The following ANK3 variants were observed in gnomAD, a reference collection of about 807,000 sequenced individuals.
ANK3 encodes ankyrin-3.
Under a neutral mutation model 370.9 loss-of-function variants are expected in ANK3, and 57 were observed. The ratio of observed to expected loss-of-function variants is 0.15; its 90% confidence interval spans 0.12 to 0.19. ANK3 has a LOEUF of 0.19. Among genes scored for constraint, ANK3 ranks in the 10% least tolerant of loss-of-function variants. The probability of loss-of-function intolerance (pLI) is 1.00; values close to 1 mark genes in which losing one functional copy is unlikely to be tolerated. For missense variants in ANK3, 4,439 were observed against 5,302.1 expected (o/e 0.84, Z 5.06); for synonymous variants, 1,929 against 1,946.3 (o/e 0.99, Z 0.23).
chr10:60,245,844 G>A (rs2097544279), intron 7 of ANK3, among the ~76,000 whole-genome samples: 1 of 152,176 alleles, frequency 6.6e-6, no homozygotes, highest in South Asian at 2.1e-4. Context: ...AGCCTTCCTA[G>A]TCTGACACTA....
intron 1 of ANK3, among the ~76,000 whole-genome samples, chr10:60,680,325 C>T (rs1215881969): frequency 1.3e-5 from 2 of 152,176 alleles, no homozygotes; most frequent in African/African-American, 4.8e-5. Flanking sequence ...ATGGGTATGC[C>T]TTGAGGCCAG....
intron 1 of ANK3, among the ~76,000 whole-genome samples, chr10:60,302,070 A>T (rs892482284): frequency 6.6e-6 from 1 of 152,164 alleles, no homozygotes; most frequent in Non-Finnish European, 1.5e-5. Flanking sequence ...ACAGTGGGGG[A>T]GGAAAAACAA....
At chr10:60,340,436 A>G (rs1028212415) in intron 1 of ANK3, among the ~76,000 whole-genome samples, 1 of 152,076 alleles carries the variant, frequency 6.6e-6, no homozygotes, top group South Asian at 2.1e-4. Flanking sequence ...TCTGAGGCAG[A>G]GTCTCACTCT....
intron 43 of ANK3, among the ~76,000 whole-genome samples, chr10:60,041,557 G>C (rs1382086605): frequency 1.3e-5 from 2 of 152,140 alleles, no homozygotes; most frequent in Non-Finnish European, 2.9e-5. Context: ...CAAGAGGGTT[G>C]GCTGTGAGGA....
At chr10:60,674,482 G>C (rs1458954117) in intron 1 of ANK3, among the ~76,000 whole-genome samples, 1 of 152,032 alleles carries the variant, frequency 6.6e-6, no homozygotes, top group Admixed American at 6.6e-5. Flanking sequence ...GATCTCACGT[G>C]AACTCAGAGC....
At chr10:60,593,780 A>G (rs1038784294) in intron 2 of ANK3, among the ~76,000 whole-genome samples, 1 of 152,226 alleles carries the variant, frequency 6.6e-6, no homozygotes, top group Non-Finnish European at 1.5e-5. Flanking sequence ...GCCTCACTCA[A>G]GTTTTAATCC....
intron 43 of ANK3, among the ~76,000 whole-genome samples, chr10:60,035,415 A>G (rs897359753): frequency 2.0e-5 from 3 of 151,638 alleles, no homozygotes; most frequent in African/African-American, 7.3e-5. Context: ...TGCCTGGCTA[A>G]TTTTTATCTT....
chr10:60,668,027 C>T (rs530976696), intron 1 of ANK3, among the ~76,000 whole-genome samples: 10 of 151,584 alleles, frequency 6.6e-5, no homozygotes, highest in East Asian at 1.9e-4. Flanking sequence ...CTAGCAAATT[C>T]CCAGGTGACT....
At chr10:60,083,341 T>G (rs1410253688) in intron 33 of ANK3, 151 bp downstream of exon 33, 3 of 742,966 alleles carry the variant, frequency 4.0e-6, no homozygotes. Context: ...CTTGAAAGTA[T>G]ACTCTGGTAG....
chr10:60,541,061 T>C (rs547071247), intron 2 of ANK3, among the ~76,000 whole-genome samples: 28 of 152,052 alleles, frequency 1.8e-4, no homozygotes, highest in African/African-American at 6.5e-4. Context: ...AGTAATCTAG[T>C]AATGCTACAT....
At position 60,690,624 on chromosome 10, in the gene ANK3, T is replaced by C. The variant is rs528308745; in HGVS notation, c.57+42639A>G. Among the ~76,000 whole-genome samples, 32 of 152,308 alleles carry C rather than the reference T, an allele frequency of 2.1e-4. 1 individual carries two copies. In the South Asian group the frequency reaches 6.6e-3, roughly 32 times the overall value. On this transcript the variant is annotated intron_variant, in intron 1 of 43. Coordinates refer to the ANK3 transcript ENST00000373827. ...GTTGTGCTTCTAACTAGCTGGTGCT[T>C]CAGCATTTTTAAAATATGCCTACTG...
chr10:60,158,628 T>G (rs935402555), intron 23 of ANK3, among the ~76,000 whole-genome samples: 1 of 151,442 alleles, frequency 6.6e-6, no homozygotes, highest in Non-Finnish European at 1.5e-5. Flanking sequence ...CTATAATAGA[T>G]ATACAAAATA....
intron 8 of ANK3, among the ~76,000 whole-genome samples, chr10:60,215,829 G>A (rs984206974): frequency 2.6e-5 from 4 of 152,202 alleles, no homozygotes; most frequent in Admixed American, 2.6e-4. Flanking sequence ...TGGCTATATG[G>A]GGTCTTCTTT....
At chr10:60,607,290 G>C (rs898084757) in intron 2 of ANK3, among the ~76,000 whole-genome samples, 2 of 152,046 alleles carry the variant, frequency 1.3e-5, no homozygotes, top group African/African-American at 4.8e-5. Context: ...AGCTCAAAGA[G>C]GTAAAGTGTC....
intron 36 of ANK3, 119 bp downstream of exon 36, chr10:60,080,418 C>G: frequency 1.2e-6 from 1 of 852,286 alleles, no homozygotes; most frequent in Non-Finnish European, 1.9e-6. Flanking sequence ...ACAGGGTTTT[C>G]CTGCAGGCAA....
chr10:60,666,322 C>G lies in ANK3; in HGVS notation c.58-51098G>C, dbSNP rs185002439. On this transcript the variant is annotated intron_variant, in intron 1 of 43. Transcript: ENST00000373827. ...ACAAAAAGACAAATACTGTATGACT[C>G]CACTTATATGAATTATCTAGAGTTG... Among the ~76,000 whole-genome samples, 691 of 152,208 alleles carry G rather than the reference C, an allele frequency of 4.5e-3. 2 individuals carry two copies. The highest frequency in any genetic ancestry group is 7.7e-3 in the Non-Finnish European group (526 of 68,010).
chr10:60,032,652 T>A lies in ANK3; in HGVS notation c.*20-2826A>T, dbSNP rs193124544. 1.5e-4 allele frequency among the ~76,000 whole-genome samples: 23 copies of A among 152,338 alleles called. No individual in the cohort carries two copies. In the East Asian group the frequency reaches 3.7e-3, roughly 24 times the overall value. Reference sequence around the variant, plus strand: ...TTCTCACCTCAATCCAAGCAAATGTTATCTTTCTGGATATATTGGATATGT... The same window carrying A: ...TTCTCACCTCAATCCAAGCAAATGTAATCTTTCTGGATATATTGGATATGT... On this transcript the variant is annotated intron_variant, in intron 43 of 43. Coordinates refer to ENST00000280772, the MANE Select transcript of ANK3 (RefSeq NM_020987.5).
At chr10:60,377,926 A>G (rs975907169) in intron 1 of ANK3, among the ~76,000 whole-genome samples, 6 of 152,222 alleles carry the variant, frequency 3.9e-5, no homozygotes, top group Non-Finnish European at 8.8e-5. Flanking sequence ...TTTATCGTAA[A>G]TTGAACCTAA....
At chr10:60,602,138 A>G (rs2078072911) in intron 2 of ANK3, among the ~76,000 whole-genome samples, 1 of 152,022 alleles carries the variant, frequency 6.6e-6, no homozygotes, top group African/African-American at 2.4e-5. Flanking sequence ...ATATGGATTA[A>G]CTCATTTATT....
Sources: allele counts gnomAD v4.1 joint callset (sites outside exome capture counted in the v4.1 genomes callset), GRCh38; gene constraint gnomAD v4.1.1; transcripts MANE v1.5; gene names NCBI Gene and HGNC (gene_info 2026-07-23, HGNC 2026-07-21).